Variants in CUX1 observed in about 807,000 individuals in gnomAD.
CUX1 encodes protein CASP.
A neutral mutation model predicts 158.8 loss-of-function variants in CUX1; 31 were observed. The observed-to-expected ratio is 0.20, with a 90% CI of 0.15 to 0.26. The LOEUF is 0.26. CUX1 is among the 10% of genes least tolerant of loss of function. The pLI is 1.00. For missense variants in CUX1, 1,589 were observed against 2,014.6 expected (o/e 0.79, Z 4.04); for synonymous variants, 879 against 862.1 (o/e 1.02, Z -0.34).
At chr7:102,010,396 C>CA (rs35965710) in intron 2 of CUX1, among the ~76,000 whole-genome samples, 16,860 of 89,896 alleles carry the variant, frequency 0.19, 1,644 homozygotes, top group East Asian at 0.45. Context: ...GACTCTGTCT[C>CA]AAAAAAAAAA....
chr7:102,255,681 A>T lies in CUX1; in HGVS notation c.*6639A>T. 1 of 985,426 alleles carries T rather than the reference A, an allele frequency of 1.0e-6. No homozygotes were observed. The highest frequency in any genetic ancestry group is 1.2e-6 in the Non-Finnish European group (1 of 829,924). The allele number at this position is 985,426 out of a possible 1,614,324, so 61.0% of individuals were successfully genotyped here. A position where few individuals can be genotyped will look rare whatever the true frequency, so the allele number is the denominator to read the frequency against. The stretch of plus-strand genomic sequence containing the variant: ...ATCCCAATGTCACGGCTACATCCCT[A>T]TGGAAATTAATCAGAAGCACAGTGT... On this transcript the variant is annotated 3_prime_UTR_variant, in exon 24 of 24. Coordinates refer to ENST00000292535, the MANE Select transcript of CUX1 (RefSeq NM_181552.4).
rs79055744 is a variant in CUX1, at chr7:101,999,197, C to G, written c.142-28901C>G. On this transcript the variant is annotated intron_variant, in intron 2 of 23. Transcript: ENST00000292535. ...CACTCTCTAGGGATTTTTATCTTTC[C>G]TTTACAAACTTTTTTTTACCTTTTT... Among the ~76,000 whole-genome samples, 23 of 144,346 alleles carry G rather than the reference C, an allele frequency of 1.6e-4. No individual in the cohort carries two copies. The East Asian group carries it at 4.8e-3, about 30-fold the overall frequency. The allele number at this position is 144,346 out of a possible 152,430, so 94.7% of individuals were successfully genotyped here.
At chr7:102,148,337 G>C (rs1023007342) in intron 8 of CUX1, among the ~76,000 whole-genome samples, 8 of 152,090 alleles carry the variant, frequency 5.3e-5, no homozygotes, top group Non-Finnish European at 8.8e-5. Context: ...TCAAGAGTTC[G>C]AGATCAGCCT....
intron 5 of CUX1, among the ~76,000 whole-genome samples, chr7:102,099,797 G>C (rs782364470): frequency 2.0e-5 from 3 of 151,988 alleles, no homozygotes; most frequent in Non-Finnish European, 4.4e-5. Context: ...GGTGGGGCCT[G>C]GTGGGCTGTG....
At chr7:102,263,382 C>T (rs28718794) in intron 14 of CUX1, among the ~76,000 whole-genome samples, 1 of 128,436 alleles carries the variant, frequency 7.8e-6, no homozygotes, top group Non-Finnish European at 1.6e-5. Context: ...GACACAATTT[C>T]AGCTCACTGC....
intron 4 of CUX1, among the ~76,000 whole-genome samples, chr7:102,071,020 A>G (rs1407045152): frequency 6.6e-6 from 1 of 152,100 alleles, no homozygotes; most frequent in African/African-American, 2.4e-5. Flanking sequence ...CAGTGGCACA[A>G]TCTCCGCTCA....
chr7:101,827,565 C>G (rs1264582959), intron 1 of CUX1, among the ~76,000 whole-genome samples: 1 of 152,076 alleles, frequency 6.6e-6, no homozygotes, highest in East Asian at 1.9e-4. Flanking sequence ...CCTGTCCCAG[C>G]CTCCTAAAGA....
Position 101,916,490 on chromosome 7 carries a change from G to A in CUX1, c.141+265G>A. The A allele has an allele frequency of 2.8e-6, 1 of 362,384 alleles. No individual in the cohort carries two copies. Among genetic ancestry groups the A allele is most frequent in the South Asian group, 2.3e-5 (1 of 43,272 alleles). 22.4% of individuals were successfully genotyped at this position (362,384 alleles called of 1,614,324 possible). A position where few individuals can be genotyped will look rare whatever the true frequency, so the allele number is the denominator to read the frequency against. On this transcript the variant is annotated intron_variant, in intron 2 of 23. Coordinates refer to ENST00000292535, the MANE Select transcript of CUX1 (RefSeq NM_181552.4). This position sits in a 1 kb window ranked among gnomAD's most constrained non-coding sequence, Gnocchi z 4.4. ...TGCAGATACTGGACAAGCTTGGTCT[G>A]TAAGAACACGTGGGCAGGTGTGTGG...
Position 102,251,483 on chromosome 7 carries a change from T to G in CUX1, c.*2441T>G. 1.0e-6 allele frequency: 1 copy of G among 985,416 alleles called. No individual in the cohort carries two copies. Among genetic ancestry groups the G allele is most frequent in the Non-Finnish European group, 1.2e-6 (1 of 829,926 alleles). The allele number at this position is 985,416 out of a possible 1,614,324, so 61.0% of individuals were successfully genotyped here. ...ACAATGCCTTTTCATGAATAAGAAGTTTTCAGAAGGCTCTAGGGGGCTGGG... is the reference window on the plus strand; with the variant it reads ...ACAATGCCTTTTCATGAATAAGAAGGTTTCAGAAGGCTCTAGGGGGCTGGG... On this transcript the variant is annotated 3_prime_UTR_variant, in exon 24 of 24. Transcript: ENST00000292535.
At chr7:102,235,056 C>T (rs73187852) in intron 22 of CUX1, among the ~76,000 whole-genome samples, 30,567 of 152,218 alleles carry the variant, frequency 0.2, 3,720 homozygotes, top group Non-Finnish European at 0.28. Flanking sequence ...GCTGTTATTT[C>T]CCAGCCTCTG....
At position 102,279,238 on chromosome 7, in the gene CUX1, G is replaced by A. The variant is rs554026943; in HGVS notation, c.1681-799G>A. 1.2e-4 allele frequency among the ~76,000 whole-genome samples: 18 copies of A among 152,290 alleles called. No homozygotes were observed. In the South Asian group the frequency reaches 3.3e-3, roughly 28 times the overall value. ...CACCTGTAATCCCAGCTACTCAGGC[G>A]GCTAAGGCAGGAGAATCGCTTGAAC... On this transcript the variant is annotated intron_variant, in intron 18 of 22. Coordinates refer to the CUX1 transcript ENST00000292538.
chr7:102,267,489 A>T (rs1790894579), intron 14 of CUX1, among the ~76,000 whole-genome samples: 1 of 152,146 alleles, frequency 6.6e-6, no homozygotes, highest in South Asian at 2.1e-4. Context: ...AGCCGAGATC[A>T]TACCATTGCA....
At chr7:101,958,844 CTTTTTTTTTTTT>C (rs10667965) in intron 2 of CUX1, among the ~76,000 whole-genome samples, 3 of 65,814 alleles carry the variant, frequency 4.6e-5, no homozygotes, top group Non-Finnish European at 8.2e-5. Context: ...AGATGATGCC[CTTTTTTTTTTTT>C]TTTTTTTTTT....
intron 2 of CUX1, among the ~76,000 whole-genome samples, chr7:102,024,753 C>G (rs1819787719): frequency 6.6e-6 from 1 of 152,136 alleles, no homozygotes; most frequent in South Asian, 2.1e-4. Flanking sequence ...CCCCATCATT[C>G]TTTACGCCTT....
chr7:102,131,166 G>A (rs905228187), intron 8 of CUX1, among the ~76,000 whole-genome samples: 1 of 150,908 alleles, frequency 6.6e-6, no homozygotes, highest in African/African-American at 2.4e-5. Flanking sequence ...ATAGATGACC[G>A]GCTGTTCTGC....
At chr7:101,906,875 T>C (rs2131814708) in intron 1 of CUX1, among the ~76,000 whole-genome samples, 1 of 152,240 alleles carries the variant, frequency 6.6e-6, no homozygotes, top group Admixed American at 6.5e-5. Context: ...CCTCCCACTG[T>C]CCCATCTTTG....
chr7:102,004,383 G>T (rs536749538), intron 2 of CUX1, among the ~76,000 whole-genome samples: 22 of 152,198 alleles, frequency 1.4e-4, no homozygotes, highest in Non-Finnish European at 2.6e-4. Flanking sequence ...AGCACGGGTC[G>T]GATGGCTTAG....
chr7:102,002,059 T>A (rs1377827147), intron 2 of CUX1, among the ~76,000 whole-genome samples: 1 of 152,168 alleles, frequency 6.6e-6, no homozygotes, highest in Non-Finnish European at 1.5e-5. Flanking sequence ...TTTGAGAGGC[T>A]GAGATGGGTG....
At chr7:101,901,112 A>G (rs1186231152) in intron 1 of CUX1, among the ~76,000 whole-genome samples, 1 of 152,134 alleles carries the variant, frequency 6.6e-6, no homozygotes, top group Non-Finnish European at 1.5e-5. Context: ...AAGTTCCCAT[A>G]ACAAGAAGCT....
Sources: gnomAD v4.1 joint callset for allele counts (sites outside exome capture counted in the v4.1 genomes callset) on GRCh38, gnomAD v4.1.1 for gene constraint, Gnocchi (gnomAD v3.1) non-coding constraint, MANE v1.5 for transcripts, NCBI Gene and HGNC (gene_info 2026-07-23, HGNC 2026-07-21) for gene names.